LGR4: variants seen among roughly 807,000 people sequenced by gnomAD.
LGR4 encodes the protein leucine rich repeat containing G protein-coupled receptor 4.
LGR4 carries 44 observed loss-of-function variants against 84.8 expected under a neutral mutation model. The observed-to-expected ratio is 0.52, with a 90% CI of 0.41 to 0.67. The LOEUF (loss-of-function observed/expected upper bound fraction) is 0.67, where lower values mean the gene tolerates loss of function less well. Ranked by LOEUF, LGR4 falls within the 30% of genes least tolerant of loss-of-function variation. The pLI is 0.00. For synonymous variants in LGR4, 429 were observed against 434.3 expected (o/e 0.99, Z 0.15); for missense variants, 1,032 against 1,131.4 (o/e 0.91, Z 1.26).
rs76308733 is a variant in LGR4 at position 27,469,319 on chromosome 11, T to G, written c.185+2799A>C. 1.6e-4 allele frequency among the ~76,000 whole-genome samples: 25 copies of G among 152,242 alleles called. No homozygotes were observed. In the East Asian group the frequency reaches 4.8e-3, roughly 30 times the overall value. ...TCAAGGAGAAGAAGCAGGTATTCTC[T>G]CTCTGGGACCTTCTCAAATCTGGAC... On this transcript the variant is annotated intron_variant, in intron 1 of 17. Coordinates refer to ENST00000379214, the MANE Select transcript of LGR4 (RefSeq NM_018490.5).
At chr11:27,422,320 A>T (rs1202188925) in intron 1 of LGR4, among the ~76,000 whole-genome samples, 1 of 152,228 alleles carries the variant, frequency 6.6e-6, no homozygotes, top group Non-Finnish European at 1.5e-5. Context: ...TGATAGGAAA[A>T]CATTACTTCA....
At chr11:27,399,322 C>T (rs893244601) in intron 2 of LGR4, among the ~76,000 whole-genome samples, 1 of 152,092 alleles carries the variant, frequency 6.6e-6, no homozygotes, top group Non-Finnish European at 1.5e-5. Context: ...ATTCTATTCC[C>T]TCAAATGGAT....
chr11:27,369,189 A>C, intron 17 of LGR4, 46 bp from the exon 18 acceptor site: 1 of 1,426,392 alleles, frequency 7.0e-7, no homozygotes, highest in East Asian at 2.3e-5. Flanking sequence ...GATAACTTAG[A>C]AAACAATTTA....
intron 1 of LGR4, among the ~76,000 whole-genome samples, chr11:27,452,710 G>A (rs557478570): frequency 9.0e-5 from 12 of 134,062 alleles, no homozygotes; most frequent in East Asian, 7.3e-4. Flanking sequence ...TGCAAGCTCC[G>A]CCTCCCGGGT....
intron 2 of LGR4, among the ~76,000 whole-genome samples, chr11:27,408,226 C>T (rs1295909789): frequency 6.6e-6 from 1 of 151,940 alleles, no homozygotes. Flanking sequence ...TTTACTAGCC[C>T]CGTTTGGTAA....
intron 1 of LGR4, among the ~76,000 whole-genome samples, chr11:27,421,640 TA>T (rs1284738321): frequency 2.0e-5 from 3 of 152,104 alleles, no homozygotes; most frequent in African/African-American, 7.2e-5. Flanking sequence ...AAAGGGTAAC[TA>T]AAAAATAAAA....
chr11:27,390,422 G>A (rs973239236), intron 4 of LGR4, among the ~76,000 whole-genome samples: 5 of 152,064 alleles, frequency 3.3e-5, no homozygotes, highest in South Asian at 2.1e-4. Context: ...TTAGACTTCT[G>A]AATTCTACCT....
At chr11:27,457,418 ATTC>A (rs996917780) in intron 1 of LGR4, among the ~76,000 whole-genome samples, 4 of 152,212 alleles carry the variant, frequency 2.6e-5, no homozygotes, top group African/African-American at 9.6e-5. Flanking sequence ...GGAGCTAAGA[ATTC>A]TTCTCTTTTA....
chr11:27,443,537 A>T (rs1408131946), intron 1 of LGR4, among the ~76,000 whole-genome samples: 2 of 152,246 alleles, frequency 1.3e-5, no homozygotes, highest in Admixed American at 6.5e-5. Context: ...AGCAGCTTAC[A>T]AATGTACAAA....
intron 2 of LGR4, among the ~76,000 whole-genome samples, chr11:27,409,646 C>G (rs1863673539): frequency 6.6e-6 from 1 of 152,114 alleles, no homozygotes; most frequent in African/African-American, 2.4e-5. Flanking sequence ...CCTTCATTAT[C>G]TGGCCTCGTC....
intron 1 of LGR4, among the ~76,000 whole-genome samples, chr11:27,460,824 G>A (rs1277996683): frequency 6.6e-6 from 1 of 152,080 alleles, no homozygotes; most frequent in Non-Finnish European, 1.5e-5. Context: ...CCCTGCTGAG[G>A]GACTGGGTCA....
chr11:27,441,729 G>C (rs191728782), intron 1 of LGR4, among the ~76,000 whole-genome samples: 29 of 152,292 alleles, frequency 1.9e-4, no homozygotes, highest in African/African-American at 6.5e-4. Flanking sequence ...GGGAGGAAAA[G>C]GCTGAAGTGG....
chr11:27,448,358 T>C (rs1864427976), intron 1 of LGR4, among the ~76,000 whole-genome samples: 1 of 151,722 alleles, frequency 6.6e-6, no homozygotes, highest in Non-Finnish European at 1.5e-5. Flanking sequence ...AATGGTGTGA[T>C]CTCAGCTCAC....
chr11:27,453,492 C>A (rs1864521056), intron 1 of LGR4, among the ~76,000 whole-genome samples: 1 of 152,180 alleles, frequency 6.6e-6, no homozygotes, highest in Non-Finnish European at 1.5e-5. Flanking sequence ...ACTTTAACAG[C>A]AAACCACCTT....
At chr11:27,448,583 C>T (rs1288984574) in intron 1 of LGR4, among the ~76,000 whole-genome samples, 5 of 152,126 alleles carry the variant, frequency 3.3e-5, no homozygotes, top group Admixed American at 6.5e-5. Flanking sequence ...TGAGCCACCG[C>T]GCCCTGCCTC....
intron 1 of LGR4, among the ~76,000 whole-genome samples, chr11:27,443,014 T>G (rs1352360820): frequency 6.6e-6 from 1 of 152,228 alleles, no homozygotes; most frequent in Non-Finnish European, 1.5e-5. Context: ...ACAACCATTC[T>G]GAGAGACAGG....
chr11:27,428,029 A>C (rs1864053863), intron 1 of LGR4, among the ~76,000 whole-genome samples: 1 of 151,488 alleles, frequency 6.6e-6, no homozygotes, highest in African/African-American at 2.4e-5. Flanking sequence ...CTGGATTCAT[A>C]TTTTCTTGCC....
At chr11:27,430,231 C>A (rs1291932088) in intron 1 of LGR4, among the ~76,000 whole-genome samples, 1 of 152,130 alleles carries the variant, frequency 6.6e-6, no homozygotes. Context: ...CCATCGAGAT[C>A]CAAGAAGAAC....
At chr11:27,401,185 T>G (rs1863495125) in intron 2 of LGR4, among the ~76,000 whole-genome samples, 1 of 152,234 alleles carries the variant, frequency 6.6e-6, no homozygotes, top group East Asian at 1.9e-4. Context: ...TATTTCCATT[T>G]AAATGCACAA....
Sources: allele counts gnomAD v4.1 joint callset (sites outside exome capture counted in the v4.1 genomes callset), GRCh38; gene constraint gnomAD v4.1.1; transcripts MANE v1.5; gene names NCBI Gene and HGNC (gene_info 2026-07-23, HGNC 2026-07-21).